The following NUMB variants were observed in gnomAD, a reference collection of about 807,000 sequenced individuals.
NUMB encodes NUMB endocytic adaptor protein.
Under a neutral mutation model 59.7 loss-of-function variants are expected in NUMB, and 29 were observed. The observed-to-expected ratio is 0.49, with a 90% CI of 0.36 to 0.66. The LOEUF (loss-of-function observed/expected upper bound fraction) is 0.66, where lower values mean the gene tolerates loss of function less well. Among genes scored for constraint, NUMB ranks in the 30% least tolerant of loss-of-function variants. The pLI, the probability that NUMB is intolerant of heterozygous loss-of-function variation, is 0.00. For missense variants in NUMB, 723 were observed against 822.0 expected, an observed-to-expected ratio of 0.88 and a Z score of 1.47; for synonymous variants, 288 against 288.2, an observed-to-expected ratio of 1.00 and a Z score of 0.01.
At chr14:73,339,355 T>C (rs1892512122) in intron 4 of NUMB, among the ~76,000 whole-genome samples, 1 of 152,138 alleles carries the variant, frequency 6.6e-6, no homozygotes, top group Non-Finnish European at 1.5e-5. Flanking sequence ...TACCTTTTGC[T>C]CTAAACACAC....
chr14:73,409,829 G>A (rs902383980), intron 2 of NUMB, 108 bp downstream of exon 2: 4 of 152,120 alleles, frequency 2.6e-5, no homozygotes, highest in African/African-American at 9.7e-5. Flanking sequence ...CAGGACAAAG[G>A]GTTATATTTG....
At chr14:73,409,441 A>G (rs1410781512) in intron 2 of NUMB, 1 of 152,260 alleles carries the variant, frequency 6.6e-6, no homozygotes, top group Non-Finnish European at 1.5e-5. Context: ...GCCAGCTTTA[A>G]CCACCAGATA....
At chr14:73,382,550 T>A (rs971191623) in intron 2 of NUMB, among the ~76,000 whole-genome samples, 1 of 151,912 alleles carries the variant, frequency 6.6e-6, no homozygotes, top group Non-Finnish European at 1.5e-5. Flanking sequence ...CCTAGGTACC[T>A]CTGGTACCTC....
intron 4 of NUMB, among the ~76,000 whole-genome samples, chr14:73,345,887 G>C (rs1052690103): frequency 6.6e-6 from 1 of 151,400 alleles, no homozygotes; most frequent in South Asian, 2.1e-4. Flanking sequence ...CGCCCTGGGG[G>C]ACAAGAACGA....
intron 5 of NUMB, among the ~76,000 whole-genome samples, chr14:73,322,493 GAGT>G (rs1235227129): frequency 6.6e-6 from 1 of 152,126 alleles, no homozygotes; most frequent in African/African-American, 2.4e-5. Flanking sequence ...GAAAATTGGG[GAGT>G]AGGAGTCAAG....
chr14:73,412,473 C>A (rs966303940), intron 1 of NUMB, among the ~76,000 whole-genome samples: 4 of 151,578 alleles, frequency 2.6e-5, no homozygotes, highest in African/African-American at 9.7e-5. Flanking sequence ...ATTAAAAATA[C>A]AAAATTAACT....
intron 2 of NUMB, among the ~76,000 whole-genome samples, chr14:73,386,775 G>T (rs147858260): frequency 1.5e-4 from 22 of 149,940 alleles, no homozygotes; most frequent in Non-Finnish European, 2.7e-4. Context: ...ATTTTGCTGA[G>T]AATTTGATGT....
At chr14:73,413,051 A>AT (rs943377497) in intron 1 of NUMB, among the ~76,000 whole-genome samples, 1 of 151,680 alleles carries the variant, frequency 6.6e-6, no homozygotes, top group Admixed American at 6.6e-5. Flanking sequence ...TCCAGAGCCT[A>AT]TTTTTTATTT....
At chr14:73,277,422 G>A (rs916690753) in intron 12 of NUMB, 129 bp from the exon 13 acceptor site, 2 of 744,322 alleles carry the variant, frequency 2.7e-6, no homozygotes, top group African/African-American at 3.5e-5. Flanking sequence ...TTGTGGTTTT[G>A]ATAGGTAGGA....
intron 2 of NUMB, among the ~76,000 whole-genome samples, 176 bp from the exon 3 acceptor site, chr14:73,367,157 C>T (rs1203439767): frequency 2.0e-5 from 3 of 151,304 alleles, no homozygotes; most frequent in Non-Finnish European, 4.4e-5. Context: ...CAAGTTACTC[C>T]AGTAACTGTA....
At chr14:73,333,724 T>C (rs1380485785) in intron 4 of NUMB, among the ~76,000 whole-genome samples, 2 of 152,218 alleles carry the variant, frequency 1.3e-5, no homozygotes. Flanking sequence ...CAGTAGTTCC[T>C]AATTTTGATG....
chr14:73,296,425 G>C (rs911176494), intron 7 of NUMB, among the ~76,000 whole-genome samples: 1 of 137,540 alleles, frequency 7.3e-6, no homozygotes, highest in African/African-American at 2.8e-5. Context: ...TGGGCAACAA[G>C]AGTGAAACTC....
intron 2 of NUMB, among the ~76,000 whole-genome samples, chr14:73,404,076 G>GA (rs34056438): frequency 0.25 from 32,337 of 127,866 alleles, 3,781 homozygotes; most frequent in Non-Finnish European, 0.27. Context: ...GACTCCGTCT[G>GA]AAAAAAAAAA....
chr14:73,400,056 A>C (rs1033901436), intron 2 of NUMB, among the ~76,000 whole-genome samples: 4 of 150,132 alleles, frequency 2.7e-5, no homozygotes, highest in African/African-American at 7.4e-5. Context: ...AAAACAAAAA[A>C]AAACAAAAAA....
At chr14:73,326,720 A>T (rs1230740225) in intron 4 of NUMB, among the ~76,000 whole-genome samples, 1 of 152,210 alleles carries the variant, frequency 6.6e-6, no homozygotes, top group African/African-American at 2.4e-5. Context: ...CTGAGACCTA[A>T]CTGGACTGAC....
rs1419743779 is a variant in NUMB, at chr14:73,287,138, G to T, written c.627C>A (p.Ile209=). 9 of 1,613,810 alleles carry T rather than the reference G, an allele frequency of 5.6e-6. No homozygotes were observed. Among genetic ancestry groups the T allele is most frequent in the Non-Finnish European group, 7.6e-6 (9 of 1,179,986 alleles). The change falls in exon 9 of 13, where the codon ATC becomes ATA. Residue 209 remains isoleucine (I), a synonymous_variant. Coordinates refer to ENST00000555238, the MANE Select transcript of NUMB (RefSeq NM_001005743.2). ...TCTTGGCATCTTGCATTTGTTTCAT[G>T]ATCTCCTCTCTTTCTGCTTGTTCAG... ...TATEQAEREE[I]MKQMQDAKKA...
intron 1 of NUMB, among the ~76,000 whole-genome samples, chr14:73,423,763 T>C (rs901498161): frequency 1.3e-5 from 2 of 151,782 alleles, no homozygotes; most frequent in Admixed American, 1.3e-4. Context: ...TGAGCAGAGA[T>C]TGTGCCACTG....
chr14:73,282,129 G>C, intron 11 of NUMB: 1 of 451,256 alleles, frequency 2.2e-6, no homozygotes, highest in Non-Finnish European at 3.9e-6. Context: ...TTATAGAATG[G>C]GGTGAAAGAT....
At chr14:73,351,778 C>T (rs1358337836) in intron 4 of NUMB, among the ~76,000 whole-genome samples, 4 of 151,876 alleles carry the variant, frequency 2.6e-5, no homozygotes, top group Non-Finnish European at 5.9e-5. Flanking sequence ...AGATCGAGAC[C>T]ATCCTGGCTA....
Sources: gnomAD v4.1 joint callset for allele counts (sites outside exome capture counted in the v4.1 genomes callset) on GRCh38, gnomAD v4.1.1 for gene constraint, MANE v1.5 for transcripts, NCBI Gene and HGNC (gene_info 2026-07-23, HGNC 2026-07-21) for gene names.